CUL3: variants seen among roughly 807,000 people sequenced by gnomAD.
CUL3 encodes cullin-3.
A neutral mutation model predicts 89.1 loss-of-function variants in CUL3; 19 were observed. The ratio of observed to expected loss-of-function variants is 0.21; its 90% confidence interval spans 0.15 to 0.31. CUL3 has a LOEUF of 0.31. Among genes scored for constraint, CUL3 ranks in the 10% least tolerant of loss-of-function variants. CUL3 has a pLI of 1.00. For missense variants in CUL3, 469 were observed against 942.3 expected, an observed-to-expected ratio of 0.50 and a Z score of 6.58; for synonymous variants, 351 against 308.4, an observed-to-expected ratio of 1.14 and a Z score of -1.45.
chr2:224,519,829 A>C (rs747745781), intron 3 of CUL3, among the ~76,000 whole-genome samples: 15 of 152,058 alleles, frequency 9.9e-5, no homozygotes, highest in Non-Finnish European at 2.2e-4. Context: ...TGAGGTTTTA[A>C]TTTTTATGTG....
rs71062936 is a variant in CUL3 at position 224,522,070 on chromosome 2, T to TAA, written c.379-7300_379-7299dup. ...GAAAAGTTAAACTCACATTTAAAATTAAAAAAAAAAAAAAAAGAGGCAAAT... is the reference window on the plus strand; with the variant it reads ...GAAAAGTTAAACTCACATTTAAAATTAAAAAAAAAAAAAAAAAAGAGGCAAAT... On this transcript the variant is annotated intron_variant, in intron 3 of 15. Coordinates refer to ENST00000264414, the MANE Select transcript of CUL3 (RefSeq NM_003590.5). Among the ~76,000 whole-genome samples, 26 of 133,684 alleles carry TAA rather than the reference T, an allele frequency of 1.9e-4. No homozygotes were observed. The East Asian group carries it at 2.5e-3, about 13-fold the overall frequency. 87.7% of individuals were successfully genotyped at this position (133,684 alleles called of 152,430 possible).
intron 3 of CUL3, among the ~76,000 whole-genome samples, chr2:224,524,809 C>G (rs1164437197): frequency 6.6e-6 from 1 of 151,942 alleles, no homozygotes; most frequent in Non-Finnish European, 1.5e-5. Context: ...ACAAAAACAA[C>G]CCAGGATCAA....
chr2:224,496,321 C>T (rs567293010), intron 12 of CUL3, among the ~76,000 whole-genome samples: 3 of 152,302 alleles, frequency 2.0e-5, no homozygotes, highest in East Asian at 1.9e-4. Context: ...TGAGCCACCA[C>T]GCCTGACCAA....
At chr2:224,507,508 A>C (rs1692645686) in intron 6 of CUL3, among the ~76,000 whole-genome samples, 1 of 152,150 alleles carries the variant, frequency 6.6e-6, no homozygotes, top group Admixed American at 6.5e-5. Flanking sequence ...ATAATCATGA[A>C]AACAAATCAA....
chr2:224,540,181 C>T (rs1366770392), intron 2 of CUL3, among the ~76,000 whole-genome samples: 1 of 151,534 alleles, frequency 6.6e-6, no homozygotes, highest in East Asian at 1.9e-4. Flanking sequence ...CTCAGCCTCA[C>T]AAGTAGATGG....
intron 1 of CUL3, among the ~76,000 whole-genome samples, 184 bp downstream of exon 1, chr2:224,584,760 G>A (rs1695538018): frequency 6.8e-6 from 1 of 146,384 alleles, no homozygotes; most frequent in South Asian, 2.1e-4. Context: ...AACGGCCCGG[G>A]AGGGCGGCCG....
At chr2:224,508,035 AGT>A (rs1692669538) in intron 6 of CUL3, among the ~76,000 whole-genome samples, 1 of 152,096 alleles carries the variant, frequency 6.6e-6, no homozygotes, top group Non-Finnish European at 1.5e-5. Flanking sequence ...TAAATTATTC[AGT>A]GTGACTATGT....
chr2:224,563,204 C>T (rs747469193), intron 1 of CUL3: 8 of 470,292 alleles, frequency 1.7e-5, no homozygotes, highest in South Asian at 9.3e-5. Context: ...CTCAGTATAA[C>T]GTAGCTTTCT....
At chr2:224,566,264 G>A (rs1366506324) in intron 1 of CUL3, among the ~76,000 whole-genome samples, 4 of 152,114 alleles carry the variant, frequency 2.6e-5, no homozygotes, top group Non-Finnish European at 4.4e-5. Flanking sequence ...GAACCAATCC[G>A]GAAAAAGAGT....
At chr2:224,563,077 C>T in intron 1 of CUL3, 1 of 371,964 alleles carries the variant, frequency 2.7e-6, no homozygotes. Flanking sequence ...CTCTTGAACG[C>T]TCATCGACAG....
At position 224,585,162 on chromosome 2, in the gene CUL3, CGCG is replaced by C. The variant is rs1000422525; in HGVS notation, c.-156_-154del. 1.1e-4 allele frequency: 38 copies of C among 345,174 alleles called. No homozygotes were observed. Among genetic ancestry groups the C allele is most frequent in the East Asian group, 1.6e-4 (2 of 12,374 alleles). The allele number at this position is 345,174 out of a possible 1,614,324, so 21.4% of individuals were successfully genotyped here. A position where few individuals can be genotyped will look rare whatever the true frequency, so the allele number is the denominator to read the frequency against. On this transcript the variant is annotated 5_prime_UTR_variant, in exon 1 of 16. Transcript: ENST00000264414. ...GGGAGCTGGCCGGCCCCTGGGCAGC[CGCG>C]GCGGCGGCGGGGGCGGCGGCGGCGG... is the stretch of plus-strand genomic sequence containing the variant.
chr2:224,540,543 A>T, intron 2 of CUL3, among the ~76,000 whole-genome samples: 1 of 152,188 alleles, frequency 6.6e-6, no homozygotes. Context: ...TGACTCTGAT[A>T]TAACATCCAG....
At chr2:224,496,568 A>G (rs1222481159) in intron 12 of CUL3, among the ~76,000 whole-genome samples, 3 of 152,194 alleles carry the variant, frequency 2.0e-5, no homozygotes, top group Admixed American at 2.0e-4. Context: ...TTAACAGTAC[A>G]CTATGGGATG....
intron 1 of CUL3, among the ~76,000 whole-genome samples, chr2:224,576,026 G>A (rs990646233): frequency 1.3e-5 from 2 of 152,202 alleles, no homozygotes; most frequent in Non-Finnish European, 2.9e-5. Flanking sequence ...GTATCTGTGA[G>A]GAAGGTATTA....
chr2:224,542,495 T>TGTG lies in CUL3; in HGVS notation c.265-6855_265-6854insCAC, dbSNP rs1694146744. Among the ~76,000 whole-genome samples the TGTG allele has an allele frequency of 3.5e-4, 53 of 150,326 alleles. No homozygotes were observed. In the East Asian group the frequency reaches 5.7e-3, roughly 16 times the overall value. ...AGCACGCGCCAGCACTTCTGGCTTT[T>TGTG]TGTGTGTGTGTGTGTGTGTATGTGT... On this transcript the variant is annotated intron_variant, in intron 2 of 15. Transcript: ENST00000264414.
chr2:224,571,075 T>G (rs1695170311), intron 1 of CUL3, among the ~76,000 whole-genome samples: 1 of 152,188 alleles, frequency 6.6e-6, no homozygotes, highest in South Asian at 2.1e-4. Context: ...TACAATAATG[T>G]AAGTACTCTC....
chr2:224,554,580 G>C (rs1205328788), intron 2 of CUL3, among the ~76,000 whole-genome samples: 1 of 152,172 alleles, frequency 6.6e-6, no homozygotes, highest in Admixed American at 6.5e-5. Context: ...CTGGACAAAT[G>C]ACCAATTATC....
At chr2:224,484,993 C>T (rs1020346137) in intron 13 of CUL3, among the ~76,000 whole-genome samples, 3 of 152,136 alleles carry the variant, frequency 2.0e-5, no homozygotes, top group East Asian at 3.9e-4. Context: ...TGAGCAGAAG[C>T]AGGGTGGGGC....
intron 3 of CUL3, among the ~76,000 whole-genome samples, chr2:224,522,837 A>AAAAAAAAAAT (rs1413464469): frequency 6.6e-6 from 1 of 151,978 alleles, no homozygotes; most frequent in African/African-American, 2.4e-5. Context: ...CAAAAAAACA[A>AAAAAAAAAAT]TCCTTCTCAG....
Sources: allele counts gnomAD v4.1 joint callset (sites outside exome capture counted in the v4.1 genomes callset), GRCh38; gene constraint gnomAD v4.1.1; transcripts MANE v1.5; gene names NCBI Gene and HGNC (gene_info 2026-07-23, HGNC 2026-07-21).